Variants in TBL1Y observed in about 807,000 individuals in gnomAD.
The protein encoded by TBL1Y is F-box-like/WD repeat-containing protein TBL1Y.
Under a neutral mutation model 12.0 loss-of-function variants are expected in TBL1Y, and 15 were observed. The observed-to-expected ratio is 1.25, with a 90% CI of 0.83 to 1.92. The LOEUF (loss-of-function observed/expected upper bound fraction) is 1.92. TBL1Y is among the 40% of genes most tolerant of loss of function. The pLI is 0.00. For missense variants in TBL1Y, 148 were observed against 116.7 expected (o/e 1.27, Z -1.24); for synonymous variants, 53 against 42.6 (o/e 1.24, Z -0.95).
At chrY:7,026,114 G>T (rs2012622329) in intron 6 of TBL1Y, among the ~76,000 whole-genome samples, 1 of 33,261 alleles carries the variant, frequency 3.0e-5, no homozygotes, top group East Asian at 8.1e-4. Flanking sequence ...TGGTTTTCCT[G>T]CCCAGGCAAA....
At position 7,064,168 on chromosome Y, in the gene TBL1Y, G is replaced by T; in HGVS notation, c.457+19G>T. 2.5e-6 allele frequency: 1 copy of T among 397,741 alleles called. No individual in the cohort carries two copies. The highest frequency in any genetic ancestry group is 3.5e-6 in the Non-Finnish European group (1 of 282,917). ...GAAATCAGTGAGTGCGCAGGCTCTG[G>T]AAGTTTGGTGGGCCTCTCTGGGTTC... On this transcript the variant is annotated intron_variant, in intron 8 of 18. Coordinates refer to ENST00000383032, the MANE Select transcript of TBL1Y (RefSeq NM_033284.2).
chrY:6,951,776 A>G, intron 2 of TBL1Y, among the ~76,000 whole-genome samples: 2 of 33,231 alleles, frequency 6.0e-5, no homozygotes, highest in Non-Finnish European at 1.5e-4. Context: ...TAGTGTGTCA[A>G]TTTTAGATCT....
intron 3 of TBL1Y, among the ~76,000 whole-genome samples, chrY:6,984,232 C>T: frequency 3.1e-5 from 1 of 32,692 alleles, no homozygotes; most frequent in Non-Finnish European, 7.5e-5. Context: ...ACTGCCCCTG[C>T]GGCTGTTCTT....
chrY:6,985,131 C>T, intron 3 of TBL1Y, among the ~76,000 whole-genome samples: 1 of 34,135 alleles, frequency 2.9e-5, no homozygotes, highest in Non-Finnish European at 7.3e-5. Flanking sequence ...TTGTCCAGGG[C>T]GTGAGTTTGC....
intron 7 of TBL1Y, among the ~76,000 whole-genome samples, chrY:7,045,539 C>G: frequency 3.0e-5 from 1 of 33,602 alleles, no homozygotes; most frequent in African/African-American, 1.2e-4. Flanking sequence ...GGCAGAGGGA[C>G]CAATGGTCTT....
At chrY:6,916,934 A>T (rs905521027) in intron 2 of TBL1Y, among the ~76,000 whole-genome samples, 10 of 34,142 alleles carry the variant, frequency 2.9e-4, no homozygotes, top group Non-Finnish European at 5.8e-4. Context: ...CCACAGCTGG[A>T]AAAGGTAGAG....
At chrY:7,038,254 C>T in intron 6 of TBL1Y, among the ~76,000 whole-genome samples, 1 of 33,297 alleles carries the variant, frequency 3.0e-5, no homozygotes, top group African/African-American at 1.2e-4. Context: ...TCCATCCTTT[C>T]TGTGGTTCTT....
At chrY:7,079,547 G>A (rs776350049) in intron 13 of TBL1Y, among the ~76,000 whole-genome samples, 1 of 33,747 alleles carries the variant, frequency 3.0e-5, no homozygotes, top group Non-Finnish European at 7.3e-5. Flanking sequence ...ATTATACAAC[G>A]GGAGTTCAGC....
intron 3 of TBL1Y, among the ~76,000 whole-genome samples, chrY:6,982,195 C>T (rs2012288739): frequency 3.0e-5 from 1 of 33,123 alleles, no homozygotes. Flanking sequence ...TGGCTCATGC[C>T]TGTAGTGTCA....
chrY:7,064,105 G>A lies in TBL1Y; in HGVS notation c.413G>A (p.Arg138Gln), dbSNP rs377026718. 138 of 396,677 alleles carry A rather than the reference G, an allele frequency of 3.5e-4. No individual in the cohort carries two copies. The highest frequency in any genetic ancestry group is 1.8e-3 in the Middle Eastern group (3 of 1,703). ...AISQQNPPKN[R>Q]EATVNGEENG... Reference sequence around the variant, plus strand: ...TCCCAGCAAAATCCTCCAAAGAACCGAGAGGCCACAGTGAACGGGGAAGAG... The same window carrying A: ...TCCCAGCAAAATCCTCCAAAGAACCAAGAGGCCACAGTGAACGGGGAAGAG... Residue 138 changes from arginine (R) to glutamine (Q), a missense_variant, in exon 8 of 19, where the codon CGA becomes CAA. Physicochemically the swap from Arg to Gln is conservative, Grantham distance 43 (BLOSUM62 1). Transcript: ENST00000383032.
At chrY:6,955,703 T>G (rs2012065608) in intron 2 of TBL1Y, among the ~76,000 whole-genome samples, 1 of 34,143 alleles carries the variant, frequency 2.9e-5, no homozygotes, top group African/African-American at 1.1e-4. Context: ...CCATTTGCTC[T>G]TACTATACTT....
intron 2 of TBL1Y, among the ~76,000 whole-genome samples, chrY:6,958,986 T>C (rs111938675): frequency 7.0e-4 from 23 of 32,981 alleles, no homozygotes; most frequent in South Asian, 1.4e-3. Context: ...TTATGGGTGT[T>C]GGGCTGGGGG....
intron 14 of TBL1Y, among the ~76,000 whole-genome samples, chrY:7,083,420 C>G: frequency 3.0e-5 from 1 of 33,775 alleles, no homozygotes. Flanking sequence ...GTGAGAGTCA[C>G]TCTTGCTAGC....
chrY:6,965,471 A>G, intron 2 of TBL1Y, among the ~76,000 whole-genome samples: 1 of 33,011 alleles, frequency 3.0e-5, no homozygotes, highest in Non-Finnish European at 7.4e-5. Flanking sequence ...GCTACCTGCG[A>G]CAGGAATAGG....
At chrY:6,966,833 TTCTCTCTC>T in intron 2 of TBL1Y, among the ~76,000 whole-genome samples, 2 of 31,164 alleles carry the variant, frequency 6.4e-5, no homozygotes, top group African/African-American at 2.5e-4. Context: ...CAGAGCAGTC[TTCTCTCTC>T]TCTCTCTCTC....
intron 2 of TBL1Y, among the ~76,000 whole-genome samples, chrY:6,924,654 C>A: frequency 3.2e-5 from 1 of 31,514 alleles, no homozygotes; most frequent in Non-Finnish European, 7.7e-5. Flanking sequence ...TCAGAGTCTG[C>A]CATGCAAAAA....
intron 2 of TBL1Y, among the ~76,000 whole-genome samples, chrY:6,915,800 C>T (rs2011730305): frequency 3.0e-5 from 1 of 33,721 alleles, no homozygotes; most frequent in Non-Finnish European, 7.3e-5. Flanking sequence ...TTCCAGTTTT[C>T]TGCTGGGAGT....
chrY:7,071,300 A>C, intron 10 of TBL1Y, among the ~76,000 whole-genome samples: 1 of 33,605 alleles, frequency 3.0e-5, no homozygotes, highest in South Asian at 6.8e-4. Flanking sequence ...GATAACTTTC[A>C]TCATGGTGTT....
At chrY:6,953,750 C>T (rs2012047957) in intron 2 of TBL1Y, among the ~76,000 whole-genome samples, 3 of 33,456 alleles carry the variant, frequency 9.0e-5, no homozygotes, top group Non-Finnish European at 1.5e-4. Flanking sequence ...GGAGGAGAGG[C>T]GCTCTGATTT....
Sources: gnomAD v4.1 joint callset for allele counts (sites outside exome capture counted in the v4.1 genomes callset) on GRCh38, gnomAD v4.1.1 for gene constraint, MANE v1.5 for transcripts, NCBI Gene and HGNC (gene_info 2026-07-23, HGNC 2026-07-21) for gene names.